The following PLAAT1 variants were observed in gnomAD, a reference collection of about 807,000 sequenced individuals.
PLAAT1 encodes the protein phospholipase A and acyltransferase 1, also known as H-REV107 protein-related protein.
Under a neutral mutation model 16.4 loss-of-function variants are expected in PLAAT1, and 13 were observed. That is an observed-to-expected ratio of 0.79 (90% CI 0.52 to 1.26). PLAAT1 has a LOEUF of 1.26. Ranked by LOEUF, PLAAT1 falls within the 50% of genes most tolerant of loss-of-function variation. The pLI, the probability that PLAAT1 is intolerant of heterozygous loss-of-function variation, is 0.00. For missense variants in PLAAT1, 218 were observed against 207.8 expected, an observed-to-expected ratio of 1.05 and a Z score of -0.30; for synonymous variants, 73 against 78.4, an observed-to-expected ratio of 0.93 and a Z score of 0.36.
At chr3:193,257,767 A>G (rs1010760752) in intron 2 of PLAAT1, among the ~76,000 whole-genome samples, 3 of 152,188 alleles carry the variant, frequency 2.0e-5, no homozygotes, top group Admixed American at 2.0e-4. Context: ...GGTGGGCACC[A>G]TCTAATCAGC....
At chr3:193,275,132 G>A (rs776685790), downstream of PLAAT1, 21 of 1,613,998 alleles carry the variant, frequency 1.3e-5, no homozygotes, top group East Asian at 4.5e-5. Context: ...CATAGCCTCC[G>A]TTGATGTAGA....
At chr3:193,260,846 A>G (rs1352124702) in intron 2 of PLAAT1, among the ~76,000 whole-genome samples, 1 of 152,204 alleles carries the variant, frequency 6.6e-6, no homozygotes, top group Non-Finnish European at 1.5e-5. Context: ...CTATTACTGC[A>G]TATATATCCA....
downstream of PLAAT1, chr3:193,279,318 G>A: frequency 7.3e-7 from 1 of 1,365,692 alleles, no homozygotes; most frequent in Admixed American, 1.7e-5. Flanking sequence ...ATGAATACAT[G>A]GTCCATGTAC....
chr3:193,254,178 C>G (rs1716294327), intron 1 of PLAAT1, among the ~76,000 whole-genome samples: 1 of 152,258 alleles, frequency 6.6e-6, no homozygotes, highest in African/African-American at 2.4e-5. Flanking sequence ...AACAGATGGA[C>G]AGCTTACATT....
intron 1 of PLAAT1, among the ~76,000 whole-genome samples, chr3:193,251,019 G>A (rs765694423): frequency 2.6e-5 from 4 of 151,540 alleles, no homozygotes; most frequent in Non-Finnish European, 5.9e-5. Flanking sequence ...AAGAAGTGCA[G>A]TGAGTGCCTA....
At chr3:193,262,270 A>G (rs1344526790) in intron 2 of PLAAT1, among the ~76,000 whole-genome samples, 1 of 150,782 alleles carries the variant, frequency 6.6e-6, no homozygotes, top group Non-Finnish European at 1.5e-5. Context: ...GTAAGTGGGT[A>G]GGTCACTGCC....
chr3:193,253,109 G>A (rs934789495), intron 1 of PLAAT1, among the ~76,000 whole-genome samples: 24 of 152,160 alleles, frequency 1.6e-4, no homozygotes, highest in Non-Finnish European at 2.9e-4. Flanking sequence ...GAGACCATTA[G>A]ATTAGATAAT....
chr3:193,268,972 A>AT (rs140748865), intron 3 of PLAAT1, among the ~76,000 whole-genome samples: 69 of 146,728 alleles, frequency 4.7e-4, no homozygotes, highest in East Asian at 7.9e-4. Flanking sequence ...TTGCACCTTC[A>AT]TTTTTTTTTT....
At chr3:193,279,012 T>C (rs1717357022), downstream of PLAAT1, among the ~76,000 whole-genome samples, 2 of 152,200 alleles carry the variant, frequency 1.3e-5, no homozygotes, top group South Asian at 4.1e-4. Flanking sequence ...CCTTTATAAC[T>C]ACTTTATAAA....
intron 3 of PLAAT1, 84 bp from the exon 4 acceptor site, chr3:193,270,520 T>G (rs1560106449): frequency 1.1e-5 from 15 of 1,319,580 alleles, no homozygotes; most frequent in Non-Finnish European, 1.6e-5. Context: ...GTGTTCAGTT[T>G]AGGAAACAGG....
chr3:193,251,449 AT>A (rs1455048453), intron 1 of PLAAT1, among the ~76,000 whole-genome samples: 1 of 152,172 alleles, frequency 6.6e-6, no homozygotes, highest in African/African-American at 2.4e-5. Context: ...CCAGGGAGAG[AT>A]TGGAAGCTGG....
At chr3:193,278,009 G>A (rs1417497980), downstream of PLAAT1, among the ~76,000 whole-genome samples, 2 of 152,032 alleles carry the variant, frequency 1.3e-5, no homozygotes, top group African/African-American at 4.8e-5. Flanking sequence ...TTACCATGTT[G>A]GCCAGGCTGG....
rs116443365 is a variant in PLAAT1 at position 193,242,952 on chromosome 3, T to C, written c.-1+1419T>C. On this transcript the variant is annotated intron_variant, in intron 1 of 3. Coordinates refer to ENST00000264735, the MANE Select transcript of PLAAT1 (RefSeq NM_020386.5). ...GTAGTTGTTAAAAAAGTGCTCTTCG[T>C]GTTTCTGTAACTTGGGTGGCCTCTT... Among the ~76,000 whole-genome samples, 1,083 of 152,330 alleles carry C rather than the reference T, an allele frequency of 7.1e-3. 17 individuals carry two copies. The highest frequency in any genetic ancestry group is 0.023 in the African/African-American group (966 of 41,594).
At chr3:193,240,685 G>GTGTGTGT (rs71177395), upstream of PLAAT1, among the ~76,000 whole-genome samples, 5 of 146,892 alleles carry the variant, frequency 3.4e-5, no homozygotes, top group Non-Finnish European at 6.0e-5. Context: ...GTGTGTGTGT[G>GTGTGTGT]GTTGGAGGTC....
intron 3 of PLAAT1, among the ~76,000 whole-genome samples, chr3:193,264,067 G>A (rs1005312381): frequency 6.6e-6 from 1 of 152,106 alleles, no homozygotes; most frequent in Non-Finnish European, 1.5e-5. Flanking sequence ...TTGAACTCCA[G>A]GGAGTTGTTA....
At chr3:193,243,686 C>T (rs1408683714) in intron 1 of PLAAT1, among the ~76,000 whole-genome samples, 1 of 152,162 alleles carries the variant, frequency 6.6e-6, no homozygotes, top group African/African-American at 2.4e-5. Context: ...AAATTGAATT[C>T]CAGTTGTGTC....
At chr3:193,272,900 A>G (rs1577314716), downstream of PLAAT1, among the ~76,000 whole-genome samples, 1 of 152,142 alleles carries the variant, frequency 6.6e-6, no homozygotes, top group South Asian at 2.1e-4. Context: ...TTTTTCCTAT[A>G]GGTGATTATT....
chr3:193,259,369 C>A (rs1186860747), intron 2 of PLAAT1, among the ~76,000 whole-genome samples: 1 of 152,138 alleles, frequency 6.6e-6, no homozygotes, highest in Non-Finnish European at 1.5e-5. Flanking sequence ...ACTGGAAGTT[C>A]TAGCCAGAGC....
upstream of PLAAT1, chr3:193,241,127 G>A: frequency 1.9e-6 from 2 of 1,027,050 alleles, no homozygotes; most frequent in Non-Finnish European, 1.2e-6. Context: ...CCGGCGGGCG[G>A]GCGGGCGGGC....
Sources: allele counts gnomAD v4.1 joint callset (sites outside exome capture counted in the v4.1 genomes callset), GRCh38; gene constraint gnomAD v4.1.1; transcripts MANE v1.5; gene names NCBI Gene and HGNC (gene_info 2026-07-23, HGNC 2026-07-21).